The following DOK6 variants were observed in gnomAD, a reference collection of about 807,000 sequenced individuals.
DOK6 encodes the protein docking protein 6.
DOK6 carries 22 observed loss-of-function variants against 44.0 expected under a neutral mutation model. That is an observed-to-expected ratio of 0.50 (90% CI 0.36 to 0.71). The LOEUF (loss-of-function observed/expected upper bound fraction) is 0.71, where lower values mean the gene tolerates loss of function less well. DOK6 is among the 30% of genes least tolerant of loss of function. The pLI is 0.00. For missense variants in DOK6, 340 were observed against 416.4 expected (o/e 0.82, Z 1.60); for synonymous variants, 166 against 145.5 (o/e 1.14, Z -1.01).
chr18:69,638,256 C>G, intron 3 of DOK6, among the ~76,000 whole-genome samples: 1 of 152,198 alleles, frequency 6.6e-6, no homozygotes, highest in East Asian at 1.9e-4. Flanking sequence ...TTTACAGAAA[C>G]AGGCCACAGG....
chr18:69,448,744 T>C (rs994955920), intron 1 of DOK6, among the ~76,000 whole-genome samples: 5 of 152,220 alleles, frequency 3.3e-5, no homozygotes, highest in African/African-American at 1.2e-4. Flanking sequence ...TTTGGAACAT[T>C]GAATAATCAG....
intron 7 of DOK6, among the ~76,000 whole-genome samples, chr18:69,766,618 T>C (rs1165068454): frequency 2.0e-5 from 3 of 152,072 alleles, no homozygotes; most frequent in Non-Finnish European, 2.9e-5. Flanking sequence ...GAGGAGAATA[T>C]ATATTTAGTA....
At chr18:69,412,056 A>G (rs1978308591) in intron 1 of DOK6, among the ~76,000 whole-genome samples, 2 of 152,194 alleles carry the variant, frequency 1.3e-5, no homozygotes, top group African/African-American at 4.8e-5. Flanking sequence ...AAATTATACA[A>G]ATAAAGTATC....
chr18:69,587,133 T>C (rs1250899792), intron 2 of DOK6, among the ~76,000 whole-genome samples: 2 of 152,176 alleles, frequency 1.3e-5, no homozygotes, highest in Non-Finnish European at 2.9e-5. Context: ...ATCTGTGTCA[T>C]TGTAGTAATT....
At chr18:69,679,864 T>C (rs760865840) in intron 4 of DOK6, among the ~76,000 whole-genome samples, 17 of 152,102 alleles carry the variant, frequency 1.1e-4, no homozygotes, top group Non-Finnish European at 2.2e-4. Flanking sequence ...ATTTTTAATA[T>C]AGGTTTATTT....
intron 3 of DOK6, among the ~76,000 whole-genome samples, chr18:69,635,462 G>A (rs1214270616): frequency 6.6e-6 from 1 of 152,100 alleles, no homozygotes; most frequent in East Asian, 1.9e-4. Flanking sequence ...ATCTAATAAA[G>A]TAGTACCACT....
intron 4 of DOK6, among the ~76,000 whole-genome samples, chr18:69,691,437 G>T (rs112930024): frequency 0.14 from 20,685 of 151,324 alleles, 1,469 homozygotes; most frequent in Middle Eastern, 0.18. Context: ...TAGAATTTGG[G>T]TTGTTTGTCA....
intron 3 of DOK6, among the ~76,000 whole-genome samples, chr18:69,669,440 TTTTTA>T (rs1985740319): frequency 6.6e-6 from 1 of 152,160 alleles, no homozygotes. Flanking sequence ...ATTTTGTTCT[TTTTTA>T]TGGCTGCGCA....
intron 3 of DOK6, among the ~76,000 whole-genome samples, chr18:69,627,048 A>G (rs898962555): frequency 5.3e-5 from 8 of 152,162 alleles, no homozygotes; most frequent in African/African-American, 1.2e-4. Context: ...GGCCTTATAG[A>G]CCTGGGTAAA....
intron 1 of DOK6, among the ~76,000 whole-genome samples, chr18:69,529,090 T>C (rs150096508): frequency 6.2e-4 from 95 of 152,326 alleles, no homozygotes; most frequent in African/African-American, 2.2e-3. Flanking sequence ...TGTGCATAGA[T>C]GTGTGTGCAC....
intron 7 of DOK6, among the ~76,000 whole-genome samples, chr18:69,831,525 A>G (rs1041563264): frequency 6.6e-6 from 1 of 152,190 alleles, no homozygotes; most frequent in Admixed American, 6.5e-5. Flanking sequence ...GGTACTTAGC[A>G]CTGGATCTAC....
At chr18:69,511,360 TC>T (rs1239962061) in intron 1 of DOK6, among the ~76,000 whole-genome samples, 1 of 152,192 alleles carries the variant, frequency 6.6e-6, no homozygotes, top group African/African-American at 2.4e-5. Flanking sequence ...TAGTCAACTC[TC>T]TAAAACTGAA....
intron 3 of DOK6, among the ~76,000 whole-genome samples, chr18:69,603,195 G>A (rs1156319012): frequency 2.0e-5 from 3 of 152,168 alleles, no homozygotes; most frequent in Non-Finnish European, 4.4e-5. Flanking sequence ...AATAATTATC[G>A]AGGCCCTGCT....
At chr18:69,685,904 A>G (rs144490902) in intron 4 of DOK6, among the ~76,000 whole-genome samples, 18 of 152,190 alleles carry the variant, frequency 1.2e-4, no homozygotes, top group African/African-American at 4.3e-4. Flanking sequence ...ACACGTGCCT[A>G]TGTGTTAAAC....
chr18:69,653,735 T>C (rs4891764), intron 3 of DOK6, among the ~76,000 whole-genome samples: 96,705 of 152,088 alleles, frequency 0.64, 31,354 homozygotes, highest in Admixed American at 0.74. Context: ...TGCAGTGAAG[T>C]GAACTGATAA....
chr18:69,598,912 T>A (rs1467094112), intron 2 of DOK6, among the ~76,000 whole-genome samples: 2 of 152,122 alleles, frequency 1.3e-5, no homozygotes, highest in African/African-American at 4.8e-5. Flanking sequence ...AAATGTACCT[T>A]TTGGAGCAAT....
At chr18:69,414,636 T>C (rs1978320708) in intron 1 of DOK6, among the ~76,000 whole-genome samples, 1 of 152,050 alleles carries the variant, frequency 6.6e-6, no homozygotes, top group African/African-American at 2.4e-5. Flanking sequence ...GGGAATCCTT[T>C]TGATGGTTGA....
Position 69,524,131 on chromosome 18 carries a change from G to T in DOK6, c.67-40356G>T, listed in dbSNP as rs541295721. On this transcript the variant is annotated intron_variant, in intron 1 of 7. Transcript: ENST00000382713. The stretch of plus-strand genomic sequence containing the variant: ...GACTTTTGTATTCTGGAGTGGATGA[G>T]ATGCTTTGTGTTTATTTTATGTTTG... Among the ~76,000 whole-genome samples, 326 of 152,082 alleles carry T rather than the reference G, an allele frequency of 2.1e-3. 1 individual carries two copies. The highest frequency in any genetic ancestry group is 7.2e-3 in the African/African-American group (299 of 41,542).
chr18:69,508,725 T>G lies in DOK6; in HGVS notation c.67-55762T>G, dbSNP rs543713440. Among the ~76,000 whole-genome samples the G allele has an allele frequency of 2.6e-5, 4 of 152,176 alleles. No homozygotes were observed. The South Asian group carries it at 8.3e-4, about 32-fold the overall frequency. The stretch of plus-strand genomic sequence containing the variant: ...ATGGATCTACAGCGCCATTGCATAC[T>G]ATAGCAGAGATATTTTTTCTTTCAT... On this transcript the variant is annotated intron_variant, in intron 1 of 7. Transcript: ENST00000382713.
Sources: allele counts gnomAD v4.1 joint callset (sites outside exome capture counted in the v4.1 genomes callset), GRCh38; gene constraint gnomAD v4.1.1; transcripts MANE v1.5; gene names NCBI Gene and HGNC (gene_info 2026-07-23, HGNC 2026-07-21).